The following BMP5 variants were observed in gnomAD, a reference collection of about 807,000 sequenced individuals.
BMP5 encodes the protein bone morphogenetic protein 5.
Under a neutral mutation model 46.6 loss-of-function variants are expected in BMP5, and 23 were observed. That is an observed-to-expected ratio of 0.49 (90% CI 0.35 to 0.70). The LOEUF is 0.70. BMP5 is among the 30% of genes least tolerant of loss of function. The probability of loss-of-function intolerance (pLI) is 0.00; values close to 1 mark genes in which losing one functional copy is unlikely to be tolerated. For missense variants in BMP5, 545 were observed against 565.6 expected (o/e 0.96, Z 0.37); for synonymous variants, 204 against 191.9 (o/e 1.06, Z -0.52).
intron 1 of BMP5, among the ~76,000 whole-genome samples, chr6:55,843,715 C>T (rs536166633): frequency 6.6e-6 from 1 of 152,080 alleles, no homozygotes; most frequent in African/African-American, 2.4e-5. Context: ...ATATCAAATG[C>T]AATCTTTAAC....
At position 55,755,656 on chromosome 6, in the gene BMP5, T is replaced by G. The variant is rs1774571989; in HGVS notation, c.1242A>C (p.Val414=). 2 of 1,612,312 alleles carry G rather than the reference T, an allele frequency of 1.2e-6. No individual in the cohort carries two copies. Among genetic ancestry groups the G allele is most frequent in the Admixed American group, 1.7e-5 (1 of 59,798 alleles). The change falls in exon 7 of 7, where the codon GTA becomes GTC. Residue 414 remains valine (V), a synonymous_variant. Coordinates refer to ENST00000370830, the MANE Select transcript of BMP5 (RefSeq NM_021073.4). Reference sequence around the variant, plus strand: ...TGGTTGGAGCACAACAAGGCTTTGGTACGTGGTCAGGAAACATCAGATGAA... The same window carrying G: ...TGGTTGGAGCACAACAAGGCTTTGGGACGTGGTCAGGAAACATCAGATGAA... The part of the protein sequence containing the change: ...TLVHLMFPDH[V]PKPCCAPTKL...
intron 1 of BMP5, among the ~76,000 whole-genome samples, chr6:55,823,729 C>T (rs1271067952): frequency 6.6e-6 from 1 of 151,828 alleles, no homozygotes; most frequent in Non-Finnish European, 1.5e-5. Context: ...CCAAAGAACC[C>T]TTCCCCTTCC....
chr6:55,762,053 G>A (rs1328258187), intron 4 of BMP5, among the ~76,000 whole-genome samples: 1 of 151,880 alleles, frequency 6.6e-6, no homozygotes, highest in Non-Finnish European at 1.5e-5. Flanking sequence ...TTTTATAATT[G>A]TTTTAAATTA....
chr6:55,832,369 C>A (rs1254778731), intron 1 of BMP5, among the ~76,000 whole-genome samples: 1 of 152,196 alleles, frequency 6.6e-6, no homozygotes, highest in Non-Finnish European at 1.5e-5. Context: ...GGGCTTGCCA[C>A]TTGGCAGATC....
chr6:55,766,400 C>T (rs894573534), intron 4 of BMP5, among the ~76,000 whole-genome samples: 3 of 151,974 alleles, frequency 2.0e-5, no homozygotes. Flanking sequence ...AACAATTTGG[C>T]TTATAGCTAT....
intron 1 of BMP5, among the ~76,000 whole-genome samples, chr6:55,838,487 A>G (rs891273636): frequency 2.0e-5 from 3 of 151,966 alleles, no homozygotes; most frequent in Non-Finnish European, 2.9e-5. Flanking sequence ...TTTTTATTAA[A>G]TTATTAGATT....
intron 3 of BMP5, among the ~76,000 whole-genome samples, chr6:55,786,900 A>C (rs1165626790): frequency 2.0e-5 from 3 of 151,714 alleles, no homozygotes; most frequent in Non-Finnish European, 4.4e-5. Flanking sequence ...TAATTACTTC[A>C]AAAGATAAGA....
chr6:55,843,506 T>TA (rs767795359), intron 1 of BMP5, among the ~76,000 whole-genome samples: 7 of 152,026 alleles, frequency 4.6e-5, no homozygotes, highest in Non-Finnish European at 7.4e-5. Context: ...TGCTGTAATG[T>TA]AACACACTGA....
intron 1 of BMP5, among the ~76,000 whole-genome samples, chr6:55,824,687 C>T (rs950877052): frequency 1.3e-5 from 2 of 151,048 alleles, no homozygotes; most frequent in South Asian, 4.1e-4. Flanking sequence ...ACATTTCTCT[C>T]GTGTGAGAAT....
intron 1 of BMP5, among the ~76,000 whole-genome samples, chr6:55,860,586 AAGAG>A (rs151303263): frequency 5.3e-5 from 8 of 151,414 alleles, no homozygotes; most frequent in Non-Finnish European, 7.4e-5. Flanking sequence ...GCTAAAGGTA[AAGAG>A]AGAGAGAGAG....
chr6:55,787,290 A>T (rs1028921567), intron 3 of BMP5, among the ~76,000 whole-genome samples: 4 of 151,744 alleles, frequency 2.6e-5, no homozygotes, highest in African/African-American at 9.7e-5. Flanking sequence ...AGGACTTACT[A>T]AATTTAAGTA....
intron 3 of BMP5, among the ~76,000 whole-genome samples, chr6:55,783,632 C>A (rs1775378530): frequency 6.6e-6 from 1 of 151,938 alleles, no homozygotes; most frequent in South Asian, 2.1e-4. Context: ...AAAGAGTCAA[C>A]CCTAGTGTAT....
At chr6:55,801,286 T>G (rs985187536) in intron 2 of BMP5, among the ~76,000 whole-genome samples, 4 of 152,190 alleles carry the variant, frequency 2.6e-5, no homozygotes, top group African/African-American at 9.7e-5. Flanking sequence ...ATTGTGGAGA[T>G]CTGCTGGTTC....
rs545311386 is a variant in BMP5, at chr6:55,754,633, T to C, written c.*900A>G. 2 of 152,088 alleles carry C rather than the reference T, an allele frequency of 1.3e-5. No homozygotes were observed. The highest frequency in any genetic ancestry group is 3.9e-4 in the East Asian group (2 of 5,150). 9.4% of individuals were successfully genotyped at this position (152,088 alleles called of 1,614,324 possible). A position where few individuals can be genotyped will look rare whatever the true frequency, so the allele number is the denominator to read the frequency against. ...TGGTTCTTTCGGCATCTTCTGCTCT[T>C]GTACATTTTACGCATGCAGTGACTC... is the stretch of plus-strand genomic sequence containing the variant. On this transcript the variant is annotated 3_prime_UTR_variant, in exon 7 of 7. Coordinates refer to ENST00000370830, the MANE Select transcript of BMP5 (RefSeq NM_021073.4).
At chr6:55,846,190 C>A (rs1777094034) in intron 1 of BMP5, among the ~76,000 whole-genome samples, 1 of 151,902 alleles carries the variant, frequency 6.6e-6, no homozygotes, top group South Asian at 2.1e-4. Flanking sequence ...CATGAAAATA[C>A]CAGTAATTCA....
chr6:55,801,645 A>C (rs1486303351), intron 2 of BMP5, among the ~76,000 whole-genome samples: 1 of 152,206 alleles, frequency 6.6e-6, no homozygotes, highest in Non-Finnish European at 1.5e-5. Context: ...ATCCTTGCAG[A>C]AGCATTTCCC....
chr6:55,867,948 A>G (rs1777690705), intron 1 of BMP5, among the ~76,000 whole-genome samples: 1 of 152,190 alleles, frequency 6.6e-6, no homozygotes, highest in Non-Finnish European at 1.5e-5. Flanking sequence ...AAGCACAGAA[A>G]AGAAAGCAAC....
At chr6:55,860,523 T>A (rs1329132508) in intron 1 of BMP5, among the ~76,000 whole-genome samples, 4 of 152,140 alleles carry the variant, frequency 2.6e-5, no homozygotes. Flanking sequence ...GATATTAAGA[T>A]CCTTCACACT....
In BMP5 at chr6:55,826,999, T is replaced by G. The variant is rs116508976; in HGVS notation, c.491-7152A>C. ...TCCATTCCAGAACAATGTTTCTGCT[T>G]TAGCCTTACTCCCAAGCTCCTATGC... On this transcript the variant is annotated intron_variant, in intron 1 of 6. Transcript: ENST00000370830. Among the ~76,000 whole-genome samples, 380 of 151,910 alleles carry G rather than the reference T, an allele frequency of 2.5e-3. 1 individual carries two copies. The highest frequency in any genetic ancestry group is 8.9e-3 in the African/African-American group (369 of 41,548).
Sources: allele counts gnomAD v4.1 joint callset (sites outside exome capture counted in the v4.1 genomes callset), GRCh38; gene constraint gnomAD v4.1.1; transcripts MANE v1.5; gene names NCBI Gene and HGNC (gene_info 2026-07-23, HGNC 2026-07-21).